DNAI7: variants seen among roughly 807,000 people sequenced by gnomAD.
The protein encoded by DNAI7 is dynein axonemal intermediate chain 7, also known as cancer susceptibility 1.
Under a neutral mutation model 86.6 loss-of-function variants are expected in DNAI7, and 78 were observed. The ratio of observed to expected loss-of-function variants is 0.90; its 90% CI spans 0.75 to 1.09. The LOEUF (loss-of-function observed/expected upper bound fraction) is 1.09. DNAI7 is among the 50% of genes least tolerant of loss of function. DNAI7 has a pLI of 0.00. For missense variants in DNAI7, 753 were observed against 810.2 expected (o/e 0.93, Z 0.86); for synonymous variants, 274 against 273.0 (o/e 1.00, Z -0.04).
chr12:25,169,856 A>AAC (rs901552422), intron 2 of DNAI7, among the ~76,000 whole-genome samples: 7 of 140,114 alleles, frequency 5.0e-5, no homozygotes, highest in African/African-American at 2.3e-4. Flanking sequence ...TCAAAAAAAA[A>AAC]AAAAAAAAGA....
At chr12:25,138,283 T>C (rs963126284) in intron 9 of DNAI7, among the ~76,000 whole-genome samples, 19 of 152,032 alleles carry the variant, frequency 1.2e-4, no homozygotes, top group African/African-American at 4.6e-4. Flanking sequence ...GGCCAAATGG[T>C]GAAACTCTGT....
At position 25,161,128 on chromosome 12, in the gene DNAI7, G is replaced by C. The variant is rs572945558; in HGVS notation, c.91C>G (p.Arg31Gly). The C allele has an allele frequency of 1.2e-6, 2 of 1,612,940 alleles. No individual in the cohort carries two copies. Among genetic ancestry groups the C allele is most frequent in the Admixed American group, 1.7e-5 (1 of 59,976 alleles). Reference protein sequence around the residue: ...LKLLQEEEERRLKEEEEARLK... With the variant: ...LKLLQEEEERGLKEEEEARLK... ...TATTTTGTACCTTCCTCTTTCAGTC[G>C]TCTCTCCTCCTCCTCTTGTAGCAGC... The change falls in exon 3 of 16, where the codon CGA becomes GGA. Residue 31 changes from arginine (R) to glycine (G), a missense_variant. Physicochemically the swap from Arg to Gly is moderately radical, Grantham distance 125 (BLOSUM62 -2). Coordinates refer to ENST00000395987, the MANE Select transcript of DNAI7 (RefSeq NM_018272.5).
At chr12:25,176,808 T>G (rs1299545395) in intron 2 of DNAI7, among the ~76,000 whole-genome samples, 1 of 151,926 alleles carries the variant, frequency 6.6e-6, no homozygotes, top group Non-Finnish European at 1.5e-5. Flanking sequence ...GAACTTTCCA[T>G]AAATTTAATG....
chr12:25,182,347 C>CAAAAAA (rs1172587693), intron 2 of DNAI7, among the ~76,000 whole-genome samples: 129 of 63,238 alleles, frequency 2.0e-3, no homozygotes, highest in African/African-American at 5.9e-3. Flanking sequence ...AACTTCATCT[C>CAAAAAA]AAAAAAAAAA....
intron 9 of DNAI7, among the ~76,000 whole-genome samples, chr12:25,130,094 C>T (rs1227161386): frequency 6.6e-6 from 1 of 152,068 alleles, no homozygotes; most frequent in Non-Finnish European, 1.5e-5. Context: ...TGTAGAATCT[C>T]TCTCATTGCA....
intron 15 of DNAI7, among the ~76,000 whole-genome samples, chr12:25,109,115 G>A (rs571020870): frequency 6.6e-6 from 1 of 152,282 alleles, no homozygotes; most frequent in East Asian, 1.9e-4. Context: ...AGAAAACACA[G>A]AAGAAATATA....
intron 9 of DNAI7, among the ~76,000 whole-genome samples, chr12:25,137,171 T>TA (rs1943647761): frequency 6.6e-6 from 1 of 152,106 alleles, no homozygotes; most frequent in South Asian, 2.1e-4. Context: ...GGCAAAAGAT[T>TA]AAAAGCAGAT....
intron 12 of DNAI7, among the ~76,000 whole-genome samples, chr12:25,115,558 C>CT (rs1939917698): frequency 6.6e-6 from 1 of 151,808 alleles, no homozygotes; most frequent in Non-Finnish European, 1.5e-5. Flanking sequence ...ATATGAAAGG[C>CT]TAATAAGTAC....
intron 2 of DNAI7, among the ~76,000 whole-genome samples, chr12:25,164,917 C>G (rs1040873592): frequency 3.5e-4 from 53 of 151,752 alleles, no homozygotes; most frequent in Non-Finnish European, 6.6e-4. Context: ...AGTTTCGTTC[C>G]GCGACTAGCC....
intron 1 of DNAI7, among the ~76,000 whole-genome samples, chr12:25,191,777 G>A (rs1051434888): frequency 3.9e-5 from 6 of 152,154 alleles, no homozygotes; most frequent in African/African-American, 1.4e-4. Context: ...TGTGTTTTAA[G>A]GCAGATCTAT....
At chr12:25,158,899 T>C in intron 3 of DNAI7, among the ~76,000 whole-genome samples, 1 of 152,182 alleles carries the variant, frequency 6.6e-6, no homozygotes, top group African/African-American at 2.4e-5. Context: ...AGATACCATC[T>C]CACACCAGTT....
chr12:25,169,915 T>C (rs981280362), intron 2 of DNAI7, among the ~76,000 whole-genome samples: 1 of 150,830 alleles, frequency 6.6e-6, no homozygotes, highest in Non-Finnish European at 1.5e-5. Flanking sequence ...CAATCAACTA[T>C]CTGCTGCCTT....
At chr12:25,132,145 A>G (rs892437838) in intron 9 of DNAI7, among the ~76,000 whole-genome samples, 2 of 152,164 alleles carry the variant, frequency 1.3e-5, no homozygotes, top group Non-Finnish European at 2.9e-5. Context: ...CCAAAATGGG[A>G]AATACATCGT....
chr12:25,168,373 C>T (rs1191092998), intron 2 of DNAI7, among the ~76,000 whole-genome samples: 2 of 152,156 alleles, frequency 1.3e-5, no homozygotes, highest in Non-Finnish European at 2.9e-5. Context: ...AAGAGTTATT[C>T]CACTAATTCC....
intron 1 of DNAI7, chr12:25,192,879 G>C (rs1004435159): frequency 1.3e-5 from 2 of 150,062 alleles, no homozygotes; most frequent in Non-Finnish European, 2.9e-5. Context: ...TGGGTGCACT[G>C]GCTTACTCCT....
chr12:25,145,649 T>C (rs1441303552), intron 8 of DNAI7, among the ~76,000 whole-genome samples: 1 of 152,216 alleles, frequency 6.6e-6, no homozygotes, highest in East Asian at 1.9e-4. Context: ...TCTTCCCTTT[T>C]ACTAACTATC....
intron 9 of DNAI7, among the ~76,000 whole-genome samples, chr12:25,129,671 T>C (rs10842476): frequency 0.17 from 25,988 of 152,228 alleles, 2,340 homozygotes; most frequent in Middle Eastern, 0.23. Flanking sequence ...AACTTCTCCA[T>C]GCTACACCAA....
chr12:25,156,239 C>G (rs1228707430), intron 4 of DNAI7, among the ~76,000 whole-genome samples: 1 of 152,158 alleles, frequency 6.6e-6, no homozygotes, highest in Admixed American at 6.5e-5. Context: ...TCTTCTGCTG[C>G]ATATCGAATG....
intron 7 of DNAI7, among the ~76,000 whole-genome samples, chr12:25,149,041 G>C (rs979413506): frequency 4.6e-5 from 7 of 151,830 alleles, no homozygotes; most frequent in Non-Finnish European, 8.8e-5. Flanking sequence ...CTGTTGCCCA[G>C]GTTGAAGTGC....
Sources: gnomAD v4.1 joint callset for allele counts (sites outside exome capture counted in the v4.1 genomes callset) on GRCh38, gnomAD v4.1.1 for gene constraint, MANE v1.5 for transcripts, NCBI Gene and HGNC (gene_info 2026-07-23, HGNC 2026-07-21) for gene names.